KALRN: variants seen among roughly 807,000 people sequenced by gnomAD.
KALRN encodes the protein kalirin.
In KALRN, 70 loss-of-function variants were observed where a neutral mutation model predicts 353.7. The ratio of observed to expected loss-of-function variants is 0.20; its 90% CI spans 0.16 to 0.24. KALRN has a LOEUF of 0.24. KALRN is among the 10% of genes least tolerant of loss of function. The pLI, the probability that KALRN is intolerant of heterozygous loss-of-function variation, is 1.00. For missense variants in KALRN, 2,791 were observed against 3,756.7 expected, an observed-to-expected ratio of 0.74 and a Z score of 6.72; for synonymous variants, 1,391 against 1,434.8, an observed-to-expected ratio of 0.97 and a Z score of 0.69.
intron 49 of KALRN, chr3:124,677,689 C>A: frequency 2.3e-6 from 1 of 439,544 alleles, no homozygotes. Context: ...TTGGGAGTGG[C>A]CCTGCCCAAA....
intron 34 of KALRN, chr3:124,584,841 C>T (rs368396128): frequency 2.3e-5 from 37 of 1,605,812 alleles, no homozygotes; most frequent in Non-Finnish European, 3.1e-5. Context: ...GGCGACAGGG[C>T]TTACACCCGA....
intron 36 of KALRN, among the ~76,000 whole-genome samples, chr3:124,635,552 T>C (rs1303288893): frequency 2.0e-5 from 3 of 152,206 alleles, no homozygotes; most frequent in Non-Finnish European, 4.4e-5. Context: ...GTATGTTTTT[T>C]ATAAATGTTT....
intron 33 of KALRN, among the ~76,000 whole-genome samples, chr3:124,506,465 A>C (rs966658589): frequency 6.6e-6 from 1 of 151,760 alleles, no homozygotes; most frequent in South Asian, 2.1e-4. Context: ...AGATAGTCTA[A>C]TTTTTTTTTC....
chr3:124,421,878 A>G (rs1225973424), intron 14 of KALRN, among the ~76,000 whole-genome samples: 1 of 152,192 alleles, frequency 6.6e-6, no homozygotes, highest in East Asian at 1.9e-4. Context: ...AGTATATAGG[A>G]AAAGTAAGAC....
intron 10 of KALRN, among the ~76,000 whole-genome samples, chr3:124,374,061 CCCAAT>C (rs1319429395): frequency 2.6e-5 from 4 of 152,140 alleles, no homozygotes; most frequent in Non-Finnish European, 4.4e-5. Context: ...AAACCTAATT[CCCAAT>C]GTGGTTGTAT....
chr3:124,319,600 A>G (rs1037752123), intron 6 of KALRN, among the ~76,000 whole-genome samples: 1 of 148,374 alleles, frequency 6.7e-6, no homozygotes, highest in African/African-American at 2.4e-5. Context: ...TATAAAATAT[A>G]TATACCAAAA....
intron 8 of KALRN, among the ~76,000 whole-genome samples, chr3:124,330,958 T>C (rs2080482002): frequency 6.6e-6 from 1 of 152,216 alleles, no homozygotes; most frequent in Non-Finnish European, 1.5e-5. Context: ...CTAGGTGAGT[T>C]TGATGCACAT....
At chr3:124,499,208 C>T (rs1027212899) in intron 33 of KALRN, among the ~76,000 whole-genome samples, 2 of 152,120 alleles carry the variant, frequency 1.3e-5, no homozygotes, top group Non-Finnish European at 2.9e-5. Context: ...GGAGCTGTGG[C>T]GGCTCCAGGA....
At chr3:124,509,010 T>C (rs1214018418) in intron 33 of KALRN, among the ~76,000 whole-genome samples, 2 of 152,208 alleles carry the variant, frequency 1.3e-5, no homozygotes, top group Non-Finnish European at 1.5e-5. Flanking sequence ...GTTGTTTGGC[T>C]TTTCTTATTT....
chr3:124,626,876 G>A (rs899204787), intron 34 of KALRN, among the ~76,000 whole-genome samples: 1 of 152,192 alleles, frequency 6.6e-6, no homozygotes, highest in African/African-American at 2.4e-5. Context: ...TTTAAGTCTT[G>A]CCTTTGCCAG....
intron 33 of KALRN, among the ~76,000 whole-genome samples, chr3:124,559,970 T>C (rs2071754914): frequency 6.6e-6 from 1 of 152,252 alleles, no homozygotes; most frequent in Non-Finnish European, 1.5e-5. Flanking sequence ...TGCCCATTGA[T>C]CTTGTTTCCA....
chr3:124,671,234 C>CA (rs2086396777), intron 47 of KALRN, among the ~76,000 whole-genome samples: 1 of 152,196 alleles, frequency 6.6e-6, no homozygotes, highest in Non-Finnish European at 1.5e-5. Context: ...GACTCACTTT[C>CA]TAGACTTTTC....
chr3:124,278,373 A>G (rs1040286877), intron 5 of KALRN, among the ~76,000 whole-genome samples: 4 of 151,954 alleles, frequency 2.6e-5, no homozygotes, highest in African/African-American at 9.7e-5. Flanking sequence ...TGGTCCAAGC[A>G]AAAAGGAGAC....
intron 10 of KALRN, among the ~76,000 whole-genome samples, chr3:124,355,733 T>TTTTTTTA (rs2083326453): frequency 1.9e-5 from 2 of 106,168 alleles, no homozygotes; most frequent in African/African-American, 6.9e-5. Context: ...TTTTTTTTTT[T>TTTTTTTA]GAGACAGAGT....
At chr3:124,547,403 C>G (rs2069824878) in intron 33 of KALRN, among the ~76,000 whole-genome samples, 1 of 152,154 alleles carries the variant, frequency 6.6e-6, no homozygotes, top group Non-Finnish European at 1.5e-5. Flanking sequence ...GCCTCCAACT[C>G]CAGGGCTCAA....
chr3:124,071,348 C>T (rs183078921), intron 1 of KALRN, among the ~76,000 whole-genome samples: 118 of 152,274 alleles, frequency 7.7e-4, no homozygotes, highest in Non-Finnish European at 1.4e-3. Flanking sequence ...GTTTATAGCG[C>T]GAAAACATAC....
chr3:124,426,623 TG>T (rs1343189057), intron 15 of KALRN, among the ~76,000 whole-genome samples: 1 of 152,240 alleles, frequency 6.6e-6, no homozygotes, highest in Non-Finnish European at 1.5e-5. Context: ...TGAGGGTTTA[TG>T]TAGGACTTTA....
intron 10 of KALRN, among the ~76,000 whole-genome samples, chr3:124,368,943 G>A (rs973939415): frequency 5.9e-5 from 9 of 151,852 alleles, no homozygotes; most frequent in South Asian, 2.1e-4. Context: ...GCAGGCACTC[G>A]GCAGGCTGAG....
chr3:124,618,743 G>A (rs113743873), intron 34 of KALRN, among the ~76,000 whole-genome samples: 3,322 of 152,222 alleles, frequency 0.022, 127 homozygotes, highest in African/African-American at 0.074. Context: ...ATGGAGCTTG[G>A]GAGGGCTGCA....
Sources: gnomAD v4.1 joint callset for allele counts (sites outside exome capture counted in the v4.1 genomes callset) on GRCh38, gnomAD v4.1.1 for gene constraint, MANE v1.5 for transcripts, NCBI Gene and HGNC (gene_info 2026-07-23, HGNC 2026-07-21) for gene names.